KCNQ4: variants seen among roughly 807,000 people sequenced by gnomAD.
KCNQ4 encodes the protein potassium voltage-gated channel subfamily Q member 4.
A neutral mutation model predicts 72.6 loss-of-function variants in KCNQ4; 31 were observed. The ratio of observed to expected loss-of-function variants is 0.43; its 90% CI spans 0.32 to 0.58. KCNQ4 has a LOEUF of 0.58. Ranked by LOEUF, KCNQ4 falls within the 20% of genes least tolerant of loss-of-function variation. The pLI is 0.08. For synonymous variants in KCNQ4, 405 were observed against 403.7 expected, an observed-to-expected ratio of 1.00 and a Z score of -0.04; for missense variants, 869 against 962.6, an observed-to-expected ratio of 0.90 and a Z score of 1.29.
intron 10 of KCNQ4, among the ~76,000 whole-genome samples, chr1:40,832,311 C>T (rs1648674391): frequency 6.6e-6 from 1 of 152,178 alleles, no homozygotes; most frequent in Admixed American, 6.5e-5. Context: ...TGTCAGCCCT[C>T]AAGATGCTGC....
Position 40,784,425 on chromosome 1 carries a change from C to A in KCNQ4, c.314+18C>A, listed in dbSNP as rs373400900. The A allele has an allele frequency of 6.2e-7, 1 of 1,603,962 alleles. No homozygotes were observed. The highest frequency in any genetic ancestry group is 1.3e-5 in the African/African-American group (1 of 74,770). ...GTCTTCATGTGAGTTTGCGACCCCG[C>A]GCCCTTCCGCGTTTCCCCGCGCAAG... On this transcript the variant is annotated intron_variant, in intron 1 of 13. Coordinates refer to ENST00000347132, the MANE Select transcript of KCNQ4 (RefSeq NM_004700.4). This position sits in a 1 kb window ranked among gnomAD's most constrained non-coding sequence, Gnocchi z 4.1.
intron 1 of KCNQ4, among the ~76,000 whole-genome samples, chr1:40,798,439 C>T (rs1647477939): frequency 6.6e-6 from 1 of 152,242 alleles, no homozygotes; most frequent in Non-Finnish European, 1.5e-5. Context: ...CCGTTTTAGG[C>T]ATGCTGGACC....
chr1:40,829,474 G>A (rs772259295), intron 9 of KCNQ4, among the ~76,000 whole-genome samples: 8 of 152,044 alleles, frequency 5.3e-5, no homozygotes, highest in African/African-American at 1.7e-4. Flanking sequence ...GGCAGAGGCC[G>A]CCACCCCTAA....
intron 12 of KCNQ4, among the ~76,000 whole-genome samples, chr1:40,836,224 G>A (rs1352526274): frequency 6.6e-6 from 1 of 152,180 alleles, no homozygotes; most frequent in Non-Finnish European, 1.5e-5. Context: ...TCAGATTCTA[G>A]ATACATTTTG....
intron 12 of KCNQ4, 120 bp from the exon 13 acceptor site, chr1:40,837,545 C>T (rs1287814987): frequency 6.2e-6 from 8 of 1,298,728 alleles, no homozygotes; most frequent in Admixed American, 4.7e-5. Flanking sequence ...GGGCAATGGC[C>T]CCTTCCCTCA....
At chr1:40,820,055 G>A (rs1648241022) in intron 6 of KCNQ4, 70 bp downstream of exon 6, 1 of 1,521,478 alleles carries the variant, frequency 6.6e-7, no homozygotes, top group African/African-American at 1.4e-5. Flanking sequence ...TCACACATTT[G>A]CCTGGGGAGC....
At position 40,831,147 on chromosome 1, in the gene KCNQ4, C is replaced by T; in HGVS notation, c.1356C>T (p.Ser452=). Residue 452 remains serine (S), a synonymous_variant, in exon 10 of 14, where the codon TCC becomes TCT. Coordinates refer to ENST00000347132, the MANE Select transcript of KCNQ4 (RefSeq NM_004700.4). The stretch of plus-strand genomic sequence containing the variant: ...GCTCCCAGCGGCGGACGGGTCCTTC[C>T]AAGCAGCATCTGGCACCTCCAACAA... ...MGSSQRRTGP[S]KQHLAPPTMP... The T allele has an allele frequency of 6.2e-7, 1 of 1,611,326 alleles. No homozygotes were observed. The highest frequency in any genetic ancestry group is 8.5e-7 in the Non-Finnish European group (1 of 1,179,038).
chr1:40,809,703 G>C (rs919348211), intron 1 of KCNQ4, among the ~76,000 whole-genome samples: 3 of 152,120 alleles, frequency 2.0e-5, no homozygotes, highest in African/African-American at 7.2e-5. Flanking sequence ...TATCTCCTTT[G>C]ATCTATTCTG....
chr1:40,835,176 C>T lies in KCNQ4; in HGVS notation c.1745+78C>T, dbSNP rs1235421379. ...CCCTGAATGAAGTCTGAGGCCAACC[C>T]CCGAGCACCCCCAAGGGCTCACTGC... On this transcript the variant is annotated intron_variant, in intron 12 of 13. Transcript: ENST00000347132. 1.8e-5 allele frequency: 28 copies of T among 1,543,236 alleles called. No homozygotes were observed. In the Admixed American group the frequency reaches 5.0e-4, roughly 27 times the overall value.
rs2148832659 is a variant in KCNQ4 at position 40,788,249 on chromosome 1, A to G, written c.314+3842A>G. Reference sequence around the variant, plus strand: ...ACAGCCCCATTTTACTTGTAAGAAAACTGAGGCTCTGGAGACCAAAGTCAC... The same window carrying G: ...ACAGCCCCATTTTACTTGTAAGAAAGCTGAGGCTCTGGAGACCAAAGTCAC... On this transcript the variant is annotated intron_variant, in intron 1 of 13. Coordinates refer to ENST00000347132, the MANE Select transcript of KCNQ4 (RefSeq NM_004700.4). This position sits in a 1 kb window ranked among gnomAD's most constrained non-coding sequence, Gnocchi z 4.5. Among the ~76,000 whole-genome samples the G allele has an allele frequency of 6.6e-6, 1 of 152,314 alleles. No individual in the cohort carries two copies. The highest frequency in any genetic ancestry group is 2.4e-5 in the African/African-American group (1 of 41,574).
chr1:40,827,164 G>A (rs546149491), intron 9 of KCNQ4, among the ~76,000 whole-genome samples: 7 of 152,276 alleles, frequency 4.6e-5, no homozygotes, highest in East Asian at 1.9e-4. Flanking sequence ...CTCTTTTAGC[G>A]GCATCTCCAT....
chr1:40,818,502 C>A lies in KCNQ4; in HGVS notation c.533-3C>A. 11 of 1,601,022 alleles carry A rather than the reference C, an allele frequency of 6.9e-6. No individual in the cohort carries two copies. Among genetic ancestry groups the A allele is most frequent in the Non-Finnish European group, 9.3e-6 (11 of 1,179,844 alleles). On this transcript the variant is annotated splice_polypyrimidine_tract_variant and splice_region_variant and intron_variant, in intron 3 of 13. Transcript: ENST00000347132. ...TGTGATCTCGCCGCCCCCGCCCCTGCAGACTTCATCGTGTTCGTGGCCTCG... is the reference window on the plus strand; with the variant it reads ...TGTGATCTCGCCGCCCCCGCCCCTGAAGACTTCATCGTGTTCGTGGCCTCG...
At chr1:40,818,883 A>C in intron 4 of KCNQ4, 1 of 632,904 alleles carries the variant, frequency 1.6e-6, no homozygotes, top group South Asian at 1.9e-5. Context: ...CGGGCCTAGG[A>C]GTCCGGACCG....
rs35486269 is a variant in KCNQ4, at chr1:40,839,214, C to T, written c.*691C>T. 0.11 allele frequency: 16,816 copies of T among 153,842 alleles called. 1,099 individuals are homozygous for T. The highest frequency in any genetic ancestry group is 0.21 in the Admixed American group (3,246 of 15,560). The allele number at this position is 153,842 out of a possible 1,614,324, so 9.5% of individuals were successfully genotyped here. A position where few individuals can be genotyped will look rare whatever the true frequency, so the allele number is the denominator to read the frequency against. The stretch of plus-strand genomic sequence containing the variant: ...GCATGGGGCCTGTTTCTCCCCTGCC[C>T]TCTCCTAAGGGCAATGCCTGGGCCT... On this transcript the variant is annotated 3_prime_UTR_variant, in exon 14 of 14. Transcript: ENST00000347132.
At chr1:40,810,042 AG>A (rs2148311351) in intron 1 of KCNQ4, among the ~76,000 whole-genome samples, 1 of 135,256 alleles carries the variant, frequency 7.4e-6, no homozygotes, top group East Asian at 2.2e-4. Context: ...CCTGGGCGAC[AG>A]AGTGAGACTC....
chr1:40,828,635 A>T lies in KCNQ4; in HGVS notation c.1293-2449A>T, dbSNP rs185314924. On this transcript the variant is annotated intron_variant, in intron 9 of 13. Coordinates refer to ENST00000347132, the MANE Select transcript of KCNQ4 (RefSeq NM_004700.4). The stretch of plus-strand genomic sequence containing the variant: ...CTCTTTCCGTGTATATAAAATAGGG[A>T]TGGTAAAGACCGCCCACCACACACA... 5.8e-4 allele frequency among the ~76,000 whole-genome samples: 88 copies of T among 152,288 alleles called. 1 individual carries two copies. The highest frequency in any genetic ancestry group is 1.9e-4 in the East Asian group (1 of 5,180).
At chr1:40,796,945 AAT>A (rs1242492614) in intron 1 of KCNQ4, among the ~76,000 whole-genome samples, 2 of 148,782 alleles carry the variant, frequency 1.3e-5, no homozygotes, top group Admixed American at 6.7e-5. Flanking sequence ...TAAATAAATA[AAT>A]AAATACAGTT....
At chr1:40,812,907 G>A (rs1229622516) in intron 1 of KCNQ4, among the ~76,000 whole-genome samples, 10 of 152,170 alleles carry the variant, frequency 6.6e-5, no homozygotes, top group Admixed American at 4.6e-4. Context: ...TCAAGCAATC[G>A]GTCAGTCAGA....
At chr1:40,806,562 G>A (rs925062951) in intron 1 of KCNQ4, among the ~76,000 whole-genome samples, 1 of 152,242 alleles carries the variant, frequency 6.6e-6, no homozygotes, top group Non-Finnish European at 1.5e-5. Context: ...TTGTCTAGAA[G>A]ACACTGCCTT....
Sources: allele counts gnomAD v4.1 joint callset (sites outside exome capture counted in the v4.1 genomes callset), GRCh38; gene constraint gnomAD v4.1.1; non-coding constraint Gnocchi (gnomAD v3.1); transcripts MANE v1.5; gene names NCBI Gene and HGNC (gene_info 2026-07-23, HGNC 2026-07-21).